Variants in ULK4 observed in about 807,000 individuals in gnomAD.
ULK4 encodes the protein inactive serine/threonine-protein kinase ULK4.
ULK4 carries 133 observed loss-of-function variants against 160.6 expected under a neutral mutation model. That is an observed-to-expected ratio of 0.83 (90% CI 0.72 to 0.96). ULK4 has a LOEUF of 0.96. Among genes scored for constraint, ULK4 ranks in the 40% least tolerant of loss-of-function variants. The probability of loss-of-function intolerance (pLI) is 0.00; values close to 1 mark genes in which losing one functional copy is unlikely to be tolerated. For missense variants in ULK4, 1,580 were observed against 1,499.5 expected (o/e 1.05, Z -0.89); for synonymous variants, 534 against 539.8 (o/e 0.99, Z 0.15).
chr3:41,802,830 C>G (rs760122906), intron 19 of ULK4, among the ~76,000 whole-genome samples: 1 of 152,100 alleles, frequency 6.6e-6, no homozygotes, highest in East Asian at 1.9e-4. Context: ...TCATTACTTG[C>G]AGGTCAACTG....
At chr3:41,785,276 ATTTAATGACATAGTAAAAT>A (rs1185788154) in intron 21 of ULK4, among the ~76,000 whole-genome samples, 1 of 152,236 alleles carries the variant, frequency 6.6e-6, no homozygotes, top group Non-Finnish European at 1.5e-5. Flanking sequence ...CCTGAGGAAC[ATTTAATGACATAGTAAAAT>A]ACTCATGAAA....
chr3:41,514,874 C>A (rs554580852), intron 32 of ULK4, among the ~76,000 whole-genome samples: 1 of 152,028 alleles, frequency 6.6e-6, no homozygotes, highest in Non-Finnish European at 1.5e-5. Flanking sequence ...GACCACTATA[C>A]AATCTATGCA....
Position 41,335,580 on chromosome 3 carries a change from T to C in ULK4, c.3678+62499A>G, listed in dbSNP as rs536110166. 5.9e-5 allele frequency among the ~76,000 whole-genome samples: 9 copies of C among 152,220 alleles called. No individual in the cohort carries two copies. The South Asian group carries it at 6.2e-4, about 11-fold the overall frequency. Reference sequence around the variant, plus strand: ...TCACAACCACTGATGACACAAGATATAAGAAAATTATGGCCTGTGATGTGT... The same window carrying C: ...TCACAACCACTGATGACACAAGATACAAGAAAATTATGGCCTGTGATGTGT... On this transcript the variant is annotated intron_variant, in intron 35 of 36. Coordinates refer to ENST00000301831, the MANE Select transcript of ULK4 (RefSeq NM_017886.4).
intron 21 of ULK4, among the ~76,000 whole-genome samples, chr3:41,771,243 A>C (rs1022090191): frequency 4.6e-5 from 7 of 152,210 alleles, no homozygotes; most frequent in African/African-American, 1.7e-4. Context: ...AATGTTCAAA[A>C]GTTAATTAGT....
intron 22 of ULK4, among the ~76,000 whole-genome samples, chr3:41,730,135 T>C (rs1486750584): frequency 6.6e-6 from 1 of 152,066 alleles, no homozygotes; most frequent in Non-Finnish European, 1.5e-5. Context: ...AGCTATGGGA[T>C]ACAACAAAAG....
At chr3:41,737,655 T>C (rs999882438) in intron 22 of ULK4, among the ~76,000 whole-genome samples, 4 of 151,912 alleles carry the variant, frequency 2.6e-5, no homozygotes, top group Non-Finnish European at 4.4e-5. Context: ...ACTGTTGTTT[T>C]CCCCCATGCA....
At chr3:41,473,116 A>G (rs1379802941) in intron 32 of ULK4, among the ~76,000 whole-genome samples, 2 of 152,338 alleles carry the variant, frequency 1.3e-5, no homozygotes, top group Non-Finnish European at 1.5e-5. Context: ...GACATAGATG[A>G]TAAGCATAGG....
At chr3:41,515,870 A>G (rs1269224930) in intron 32 of ULK4, among the ~76,000 whole-genome samples, 2 of 152,222 alleles carry the variant, frequency 1.3e-5, no homozygotes, top group Non-Finnish European at 2.9e-5. Context: ...ATGACATTCA[A>G]GAACAGGCAA....
chr3:41,305,502 G>C (rs2079891965), intron 35 of ULK4, among the ~76,000 whole-genome samples: 1 of 152,228 alleles, frequency 6.6e-6, no homozygotes, highest in African/African-American at 2.4e-5. Flanking sequence ...GATTGCAGAC[G>C]GAGTCTCGTT....
chr3:41,736,006 A>G (rs2125872893), intron 22 of ULK4, among the ~76,000 whole-genome samples: 1 of 151,400 alleles, frequency 6.6e-6, no homozygotes, highest in African/African-American at 2.4e-5. Flanking sequence ...CCATGTCCCT[A>G]CAAAGGACAT....
At chr3:41,627,904 G>T (rs1053928096) in intron 30 of ULK4, among the ~76,000 whole-genome samples, 1 of 152,156 alleles carries the variant, frequency 6.6e-6, no homozygotes, top group African/African-American at 2.4e-5. Context: ...AGGAGGGTAA[G>T]GAGGACTACC....
chr3:41,487,990 T>C (rs12638414), intron 32 of ULK4, among the ~76,000 whole-genome samples: 36,259 of 151,974 alleles, frequency 0.24, 5,373 homozygotes, highest in Non-Finnish European at 0.34. Context: ...AAATGATCAA[T>C]GATTCTATGA....
chr3:41,868,087 T>C (rs1240367766), intron 17 of ULK4, among the ~76,000 whole-genome samples: 1 of 152,240 alleles, frequency 6.6e-6, no homozygotes, highest in African/African-American at 2.4e-5. Context: ...AAAGGTATTG[T>C]ATAATCGTGG....
intron 32 of ULK4, among the ~76,000 whole-genome samples, chr3:41,473,400 G>A (rs756939842): frequency 2.6e-5 from 4 of 151,938 alleles, no homozygotes; most frequent in African/African-American, 9.7e-5. Flanking sequence ...AGTGGCTCAC[G>A]CCTGTAAACC....
At chr3:41,537,963 T>TA (rs1276082821) in intron 32 of ULK4, among the ~76,000 whole-genome samples, 1 of 151,908 alleles carries the variant, frequency 6.6e-6, no homozygotes, top group African/African-American at 2.4e-5. Flanking sequence ...TCACCGGCAT[T>TA]AAAAACCTGT....
At chr3:41,767,559 G>A (rs1481297704) in intron 21 of ULK4, among the ~76,000 whole-genome samples, 2 of 151,752 alleles carry the variant, frequency 1.3e-5, no homozygotes, top group African/African-American at 4.8e-5. Context: ...TTATCCAACA[G>A]TTATATTACA....
chr3:41,953,306 T>TATATATA (rs1447473585), intron 2 of ULK4, among the ~76,000 whole-genome samples: 70 of 91,796 alleles, frequency 7.6e-4, no homozygotes, highest in Non-Finnish European at 9.2e-4. Flanking sequence ...ATATATATAT[T>TATATATA]TTTTTTTTTT....
chr3:41,579,088 G>T (rs1483005471), intron 31 of ULK4, among the ~76,000 whole-genome samples: 1 of 152,176 alleles, frequency 6.6e-6, no homozygotes, highest in Non-Finnish European at 1.5e-5. Flanking sequence ...CGAAGCACCA[G>T]CCGTACAAGT....
intron 30 of ULK4, among the ~76,000 whole-genome samples, chr3:41,644,370 A>G (rs1160305579): frequency 6.6e-6 from 1 of 152,004 alleles, no homozygotes; most frequent in African/African-American, 2.4e-5. Flanking sequence ...ATGTCCCATC[A>G]ATACCTAATT....
Sources: gnomAD v4.1 joint callset for allele counts (sites outside exome capture counted in the v4.1 genomes callset) on GRCh38, gnomAD v4.1.1 for gene constraint, MANE v1.5 for transcripts, NCBI Gene and HGNC (gene_info 2026-07-23, HGNC 2026-07-21) for gene names.